Variants in SPMIP2 observed in about 807,000 individuals in gnomAD.
SPMIP2 encodes protein SPMIP2.
chr4:159,000,287 CTA>C, the SPMIP2 span, among the ~76,000 whole-genome samples: 31 of 152,220 alleles, frequency 2.0e-4, no homozygotes, highest in African/African-American at 7.2e-4. Context: ...ACTGGCCACT[CTA>C]TGTTTTTATT....
At chr4:159,036,273 G>T in the SPMIP2 span, among the ~76,000 whole-genome samples, 1 of 152,238 alleles carries the variant, frequency 6.6e-6, no homozygotes. Flanking sequence ...GTGCTACTCA[G>T]GTAGGTTCCC....
chr4:159,013,747 T>C, the SPMIP2 span, among the ~76,000 whole-genome samples: 1 of 152,102 alleles, frequency 6.6e-6, no homozygotes, highest in Non-Finnish European at 1.5e-5. Context: ...CATAACAACA[T>C]ACAATGCAAT....
chr4:159,017,724 C>T, the SPMIP2 span, among the ~76,000 whole-genome samples: 2 of 152,106 alleles, frequency 1.3e-5, no homozygotes, highest in African/African-American at 4.8e-5. Flanking sequence ...ATAGTTTCTG[C>T]CTGTGATATA....
the SPMIP2 span, among the ~76,000 whole-genome samples, chr4:159,029,947 A>G: frequency 3.3e-5 from 5 of 152,348 alleles, no homozygotes; most frequent in African/African-American, 1.2e-4. Flanking sequence ...TTTTAAAAGG[A>G]AATATATCAA....
the SPMIP2 span, among the ~76,000 whole-genome samples, chr4:158,950,815 C>T: frequency 6.6e-6 from 1 of 152,142 alleles, no homozygotes; most frequent in Non-Finnish European, 1.5e-5. Flanking sequence ...ATTGCTTGAA[C>T]CTTGGAGGCA....
At chr4:159,018,959 G>A in the SPMIP2 span, among the ~76,000 whole-genome samples, 20 of 152,026 alleles carry the variant, frequency 1.3e-4, no homozygotes, top group African/African-American at 3.6e-4. Context: ...GCATGGTGGC[G>A]GGCGCCTGTA....
chr4:158,969,171 C>G, the SPMIP2 span, among the ~76,000 whole-genome samples: 2 of 152,028 alleles, frequency 1.3e-5, no homozygotes, highest in Non-Finnish European at 2.9e-5. Context: ...CATTTTGTCA[C>G]GAGGTCAGAG....
the SPMIP2 span, among the ~76,000 whole-genome samples, chr4:158,897,714 G>C: frequency 6.6e-6 from 1 of 152,096 alleles, no homozygotes; most frequent in African/African-American, 2.4e-5. Flanking sequence ...ATTTGTTTAA[G>C]TTCTTTGTAG....
chr4:159,060,901 A>G, the SPMIP2 span, among the ~76,000 whole-genome samples: 1 of 151,994 alleles, frequency 6.6e-6, no homozygotes, highest in East Asian at 1.9e-4. Context: ...TCTAGGCAAC[A>G]TGGCAAAATC....
the SPMIP2 span, among the ~76,000 whole-genome samples, chr4:158,920,521 TGTGA>T: frequency 6.6e-6 from 1 of 152,196 alleles, no homozygotes; most frequent in Non-Finnish European, 1.5e-5. Flanking sequence ...ACGGCCACTC[TGTGA>T]GTGTCTGTCT....
the SPMIP2 span, among the ~76,000 whole-genome samples, chr4:158,937,049 T>C: frequency 6.6e-5 from 10 of 152,234 alleles, no homozygotes; most frequent in African/African-American, 2.2e-4. Context: ...GGGAAACCAA[T>C]GCTACAGGTC....
chr4:159,045,608 G>A, the SPMIP2 span, among the ~76,000 whole-genome samples: 1 of 152,262 alleles, frequency 6.6e-6, no homozygotes, highest in Admixed American at 6.5e-5. Context: ...GAAAGGGTGA[G>A]AGAAGGCAGC....
chr4:159,082,459 G>GTC, the SPMIP2 span, among the ~76,000 whole-genome samples: 1 of 147,826 alleles, frequency 6.8e-6, no homozygotes, highest in Admixed American at 6.8e-5. Flanking sequence ...CTGTGTGTGT[G>GTC]TGTGTGTGTG....
At chr4:158,915,302 G>C in the SPMIP2 span, 1 of 1,613,540 alleles carries the variant, frequency 6.2e-7, no homozygotes, top group South Asian at 1.1e-5. Flanking sequence ...TCATATGCCA[G>C]GCAAAAGAAG....
chr4:158,934,145 C>T, the SPMIP2 span, among the ~76,000 whole-genome samples: 3 of 152,114 alleles, frequency 2.0e-5, no homozygotes, highest in Non-Finnish European at 2.9e-5. Flanking sequence ...GCCTTCCAAA[C>T]CTATGCAATT....
chr4:158,960,482 C>T, the SPMIP2 span: 1 of 548,040 alleles, frequency 1.8e-6, no homozygotes, highest in Admixed American at 3.7e-5. Flanking sequence ...AAAAGAAGAT[C>T]AGAGAAGAAG....
chr4:159,075,137 T>C, the SPMIP2 span, among the ~76,000 whole-genome samples: 2 of 152,206 alleles, frequency 1.3e-5, no homozygotes, highest in African/African-American at 4.8e-5. Flanking sequence ...ATTGATGTAG[T>C]CCTTATAGGT....
the SPMIP2 span, among the ~76,000 whole-genome samples, chr4:158,903,309 A>T: frequency 3.9e-5 from 6 of 152,120 alleles, no homozygotes; most frequent in African/African-American, 1.4e-4. Context: ...GGCTGCACCC[A>T]GTGTCCAGCC....
the SPMIP2 span, among the ~76,000 whole-genome samples, chr4:158,993,758 A>T: frequency 5.7e-3 from 873 of 152,308 alleles, 11 homozygotes; most frequent in African/African-American, 0.02. Flanking sequence ...CTCCTTAACT[A>T]GTCTTGGCTC....
Sources: gnomAD v4.1 joint callset for allele counts (sites outside exome capture counted in the v4.1 genomes callset) on GRCh38, gnomAD v4.1.1 for gene constraint, MANE v1.5 for transcripts, NCBI Gene and HGNC (gene_info 2026-07-23, HGNC 2026-07-21) for gene names.